Variants in KIF13A observed in about 807,000 individuals in gnomAD.
The protein encoded by KIF13A is kinesin family member 13A.
In KIF13A, 79 loss-of-function variants were observed where a neutral mutation model predicts 212.2. The ratio of observed to expected loss-of-function variants is 0.37; its 90% CI spans 0.31 to 0.45. The LOEUF is 0.45. KIF13A is among the 20% of genes least tolerant of loss of function. KIF13A has a pLI of 1.00. For missense variants in KIF13A, 1,901 were observed against 2,209.0 expected, an observed-to-expected ratio of 0.86 and a Z score of 2.79; for synonymous variants, 789 against 808.6, an observed-to-expected ratio of 0.98 and a Z score of 0.41.
At chr6:17,978,998 T>C (rs1403083483) in intron 2 of KIF13A, among the ~76,000 whole-genome samples, 1 of 152,172 alleles carries the variant, frequency 6.6e-6, no homozygotes, top group Non-Finnish European at 1.5e-5. Flanking sequence ...TTTAAAAAAT[T>C]TTCCAGCTGG....
At chr6:17,966,121 G>C (rs1340682216) in intron 2 of KIF13A, among the ~76,000 whole-genome samples, 1 of 152,286 alleles carries the variant, frequency 6.6e-6, no homozygotes, top group Middle Eastern at 3.4e-3. Flanking sequence ...TTGAACCCGG[G>C]AGGCAAAGGT....
intron 2 of KIF13A, among the ~76,000 whole-genome samples, chr6:17,949,510 A>G (rs960085520): frequency 3.3e-5 from 5 of 152,170 alleles, no homozygotes; most frequent in African/African-American, 1.2e-4. Context: ...CTCTAAATGT[A>G]TTTAGTTGTT....
downstream of KIF13A, chr6:17,759,970 AC>A (rs1758514584): frequency 6.6e-6 from 1 of 151,644 alleles, no homozygotes; most frequent in African/African-American, 2.4e-5. Context: ...GGTCCAGGCA[AC>A]TGTGGAGTCA....
In KIF13A at chr6:17,926,847, G is replaced by C. The variant is rs894849701; in HGVS notation, c.147-28667C>G. Among the ~76,000 whole-genome samples the C allele has an allele frequency of 4.6e-5, 7 of 152,052 alleles. No homozygotes were observed. Among genetic ancestry groups the C allele is most frequent in the Non-Finnish European group, 8.8e-5 (6 of 67,992 alleles). On this transcript the variant is annotated intron_variant, in intron 2 of 38. Transcript: ENST00000259711. The surrounding 1 kb of genome is among the most constrained non-coding windows in gnomAD (Gnocchi z 4.3). ...TTCTGGGAATATACCCAAAAGAAGA[G>C]AAAGCAGGGACTGGGCGCGGTGGCT...
At chr6:17,887,383 C>T (rs955130215) in intron 3 of KIF13A, among the ~76,000 whole-genome samples, 2 of 152,184 alleles carry the variant, frequency 1.3e-5, no homozygotes, top group African/African-American at 4.8e-5. Flanking sequence ...GGTTCACACA[C>T]AAGGCAGTTC....
chr6:17,771,909 T>C lies in KIF13A; in HGVS notation c.4475A>G (p.Glu1492Gly). Residue 1492 changes from glutamate to glycine, a missense_variant and splice_region_variant, in exon 37 of 39, where the codon GAG becomes GGG. Coordinates refer to ENST00000259711, the MANE Select transcript of KIF13A (RefSeq NM_022113.6). The surrounding 1 kb of genome is among the most constrained non-coding windows in gnomAD (Gnocchi z 5.4). ...AGTACAGACAAGTCAAGCATTTACC[T>C]CCTGGCTTAGAAGAGGCCTTGCTTC... ...ALEARPLLSQESMPPPQAHNP... is the reference protein window; with the variant it reads ...ALEARPLLSQGSMPPPQAHNP... 6.2e-7 allele frequency: 1 copy of C among 1,613,930 alleles called. No homozygotes were observed.
intron 32 of KIF13A, 21 bp from the exon 33 acceptor site, chr6:17,779,120 T>A (rs1196436359): frequency 6.2e-7 from 1 of 1,610,516 alleles, no homozygotes; most frequent in East Asian, 2.2e-5. Context: ...AGGAAGGAAG[T>A]GACAATACTT....
Position 17,987,375 on chromosome 6 carries a change from G to A in KIF13A, c.55+34C>T, listed in dbSNP as rs779480894. 19 of 1,328,410 alleles carry A rather than the reference G, an allele frequency of 1.4e-5. No individual in the cohort carries two copies. The highest frequency in any genetic ancestry group is 4.9e-5 in the East Asian group (1 of 20,376). The allele number at this position is 1,328,410 out of a possible 1,614,324, so 82.3% of individuals were successfully genotyped here. A position where few individuals can be genotyped will look rare whatever the true frequency, so the allele number is the denominator to read the frequency against. ...CTAAAGTTGCCCCCGCCCTCAGCCC[G>A]AGCAGAAATAAAAAAGAGCGGAAAG... is the stretch of plus-strand genomic sequence containing the variant. On this transcript the variant is annotated intron_variant, in intron 1 of 38. Coordinates refer to ENST00000259711, the MANE Select transcript of KIF13A (RefSeq NM_022113.6). The surrounding 1 kb of genome is among the most constrained non-coding windows in gnomAD (Gnocchi z 7.7).
rs1774467294 is a variant in KIF13A at position 17,915,951 on chromosome 6, A to ATG, written c.147-17772_147-17771insCA. ...GAGCCAGTCTCAAAAAAAAAAATAA[A>ATG]AATAAAAATAAAATAAAATAAAATA... On this transcript the variant is annotated intron_variant, in intron 2 of 38. Coordinates refer to ENST00000259711, the MANE Select transcript of KIF13A (RefSeq NM_022113.6). The surrounding 1 kb of genome is among the most constrained non-coding windows in gnomAD (Gnocchi z 4.4). Among the ~76,000 whole-genome samples, 1 of 127,340 alleles carries ATG rather than the reference A, an allele frequency of 7.9e-6. No individual in the cohort carries two copies. Among genetic ancestry groups the ATG allele is most frequent in the African/African-American group, 3.3e-5 (1 of 30,048 alleles). The allele number at this position is 127,340 out of a possible 152,430, so 83.5% of individuals were successfully genotyped here.
chr6:17,929,679 C>T (rs565498252), intron 2 of KIF13A, among the ~76,000 whole-genome samples: 1 of 152,240 alleles, frequency 6.6e-6, no homozygotes, highest in South Asian at 2.1e-4. Context: ...GGATTACAGG[C>T]GTGAGCCACC....
intron 2 of KIF13A, among the ~76,000 whole-genome samples, chr6:17,923,089 T>C (rs542891812): frequency 4.0e-5 from 6 of 151,742 alleles, no homozygotes; most frequent in South Asian, 2.1e-4. Context: ...CTGGGCAACA[T>C]GGCGAAACCC....
rs1382913841 is a variant in KIF13A at position 17,883,829 on chromosome 6, A to G, written c.160-10392T>C. On this transcript the variant is annotated intron_variant, in intron 3 of 38. Transcript: ENST00000259711. The surrounding 1 kb of genome is among the most constrained non-coding windows in gnomAD (Gnocchi z 4.8). ...CTGCTTGTGAGGCTGAGGTGGGAGG[A>G]TCACTTGAGCCTGGGAGTTTGAGGC... Among the ~76,000 whole-genome samples, 3 of 152,078 alleles carry G rather than the reference A, an allele frequency of 2.0e-5. No homozygotes were observed. The East Asian group carries it at 5.8e-4, about 30-fold the overall frequency.
At chr6:17,940,828 T>A (rs9477557) in intron 2 of KIF13A, among the ~76,000 whole-genome samples, 245 of 150,952 alleles carry the variant, frequency 1.6e-3, no homozygotes, top group East Asian at 0.011. Context: ...TTTTTTTTTT[T>A]TTTTTTTTTT....
Position 17,888,475 on chromosome 6 carries a change from T to C in KIF13A, c.159+9693A>G, listed in dbSNP as rs1198210146. 1.3e-5 allele frequency among the ~76,000 whole-genome samples: 2 copies of C among 152,190 alleles called. No individual in the cohort carries two copies. Among genetic ancestry groups the C allele is most frequent in the Admixed American group, 1.3e-4 (2 of 15,278 alleles). The stretch of plus-strand genomic sequence containing the variant: ...TTTGATCTGAAACAGAGCTGTCCCA[T>C]AGAAATATAATGCTAGCCATATAAA... On this transcript the variant is annotated intron_variant, in intron 3 of 38. Coordinates refer to ENST00000259711, the MANE Select transcript of KIF13A (RefSeq NM_022113.6). This position sits in a 1 kb window ranked among gnomAD's most constrained non-coding sequence, Gnocchi z 4.8.
rs1765749170 is a variant in KIF13A, at chr6:17,834,488, C to A, written c.1156-417G>T. On this transcript the variant is annotated intron_variant, in intron 11 of 38. Transcript: ENST00000259711. This position sits in a 1 kb window ranked among gnomAD's most constrained non-coding sequence, Gnocchi z 4.0. ...ATTAATCTGCTAGAAAAGGTAAAGACTTCTCATGTATTTTAAATTTTGAAT... is the reference window on the plus strand; with the variant it reads ...ATTAATCTGCTAGAAAAGGTAAAGAATTCTCATGTATTTTAAATTTTGAAT... Among the ~76,000 whole-genome samples the A allele has an allele frequency of 6.6e-6, 1 of 152,134 alleles. No homozygotes were observed. The highest frequency in any genetic ancestry group is 2.4e-5 in the African/African-American group (1 of 41,412).
Position 17,952,126 on chromosome 6 carries a change from A to G in KIF13A, c.146+34928T>C, listed in dbSNP as rs1487161396. Among the ~76,000 whole-genome samples the G allele has an allele frequency of 3.3e-5, 5 of 151,594 alleles. No homozygotes were observed. The East Asian group carries it at 9.7e-4, about 29-fold the overall frequency. ...AGACCATGCTGGTTAACATGGTGAAACCCCGTCTCTACTAAAAATACAAAA... is the reference window on the plus strand; with the variant it reads ...AGACCATGCTGGTTAACATGGTGAAGCCCCGTCTCTACTAAAAATACAAAA... On this transcript the variant is annotated intron_variant, in intron 2 of 38. Coordinates refer to ENST00000259711, the MANE Select transcript of KIF13A (RefSeq NM_022113.6).
chr6:17,891,706 C>T (rs1007448046), intron 3 of KIF13A, among the ~76,000 whole-genome samples: 2 of 152,022 alleles, frequency 1.3e-5, no homozygotes, highest in South Asian at 2.1e-4. Flanking sequence ...TGGAGTTTGA[C>T]GATGCAGTGA....
intron 16 of KIF13A, among the ~76,000 whole-genome samples, chr6:17,822,898 A>C (rs1344064823): frequency 6.6e-6 from 1 of 152,248 alleles, no homozygotes; most frequent in African/African-American, 2.4e-5. Context: ...CTTGACTCCT[A>C]GCTATGGTCC....
At chr6:17,815,907 C>CTTTTTT (rs57780326) in intron 17 of KIF13A, among the ~76,000 whole-genome samples, 2 of 130,552 alleles carry the variant, frequency 1.5e-5, no homozygotes, top group South Asian at 2.5e-4. Context: ...TAGTCAGGTT[C>CTTTTTT]TTTTTTTTTT....
Sources: gnomAD v4.1 joint callset for allele counts (sites outside exome capture counted in the v4.1 genomes callset) on GRCh38, gnomAD v4.1.1 for gene constraint, Gnocchi (gnomAD v3.1) non-coding constraint, MANE v1.5 for transcripts, NCBI Gene and HGNC (gene_info 2026-07-23, HGNC 2026-07-21) for gene names.